CHRDL1: variants seen among roughly 807,000 people sequenced by gnomAD.
The protein encoded by CHRDL1 is chordin-like protein 1.
Under a neutral mutation model 40.9 loss-of-function variants are expected in CHRDL1, and 19 were observed. That is an observed-to-expected ratio of 0.46 (90% CI 0.32 to 0.68). The LOEUF is 0.68. CHRDL1 is among the 30% of genes least tolerant of loss of function. The pLI is 0.03. For missense variants in CHRDL1, 329 were observed against 352.1 expected, an observed-to-expected ratio of 0.93 and a Z score of 0.53; for synonymous variants, 136 against 123.4, an observed-to-expected ratio of 1.10 and a Z score of -0.68.
chrX:110,685,776 CA>C (rs892741796), intron 9 of CHRDL1, among the ~76,000 whole-genome samples: 5 of 78,156 alleles, frequency 6.4e-5, no homozygotes, highest in African/African-American at 2.6e-4. Flanking sequence ...AGATTATTTC[CA>C]ATTTTTCAGT....
chrX:110,686,425 T>C (rs892633636), intron 9 of CHRDL1, among the ~76,000 whole-genome samples: 1 of 111,809 alleles, frequency 8.9e-6, no homozygotes, highest in Non-Finnish European at 1.9e-5. Context: ...GTAATTTGTG[T>C]AAATATTAGT....
intron 4 of CHRDL1, among the ~76,000 whole-genome samples, chrX:110,736,219 G>A (rs1359344048): frequency 8.9e-6 from 1 of 111,969 alleles, no homozygotes; most frequent in African/African-American, 3.3e-5. Context: ...GCTTCTCCTA[G>A]GAAATTCTTT....
intron 8 of CHRDL1, among the ~76,000 whole-genome samples, chrX:110,689,546 C>A (rs754232688): frequency 4.5e-4 from 13 of 28,905 alleles, no homozygotes; most frequent in African/African-American, 2.9e-3. Context: ...CTCTATATCT[C>A]TATATATCTA....
intron 2 of CHRDL1, among the ~76,000 whole-genome samples, chrX:110,777,033 C>T (rs1295267124): frequency 1.8e-5 from 2 of 111,413 alleles, no homozygotes; most frequent in African/African-American, 3.3e-5. Context: ...TGTCAACCAC[C>T]GATCTCTTCA....
intron 3 of CHRDL1, among the ~76,000 whole-genome samples, chrX:110,760,724 T>C (rs1028751547): frequency 8.9e-6 from 1 of 112,084 alleles, no homozygotes; most frequent in African/African-American, 3.2e-5. Context: ...GCCCTAACCA[T>C]TTAAAGAGGC....
At chrX:110,728,198 G>GA (rs1399772048) in intron 4 of CHRDL1, among the ~76,000 whole-genome samples, 10 of 109,787 alleles carry the variant, frequency 9.1e-5, no homozygotes, top group African/African-American at 3.0e-4. Flanking sequence ...TTATGGGGGG[G>GA]AACTACATGT....
intron 4 of CHRDL1, among the ~76,000 whole-genome samples, chrX:110,752,796 A>G (rs1445483840): frequency 3.6e-5 from 4 of 111,400 alleles, no homozygotes; most frequent in Non-Finnish European, 7.5e-5. Flanking sequence ...TTACTGTTAA[A>G]AAGGAATTGA....
chrX:110,689,081 T>C (rs1207220496), intron 8 of CHRDL1, among the ~76,000 whole-genome samples: 13 of 77,957 alleles, frequency 1.7e-4, no homozygotes, highest in African/African-American at 6.1e-4. Flanking sequence ...TGTATATATA[T>C]ATATATATAT....
chrX:110,768,889 A>G (rs1216840963), intron 2 of CHRDL1, among the ~76,000 whole-genome samples: 1 of 110,972 alleles, frequency 9.0e-6, no homozygotes, highest in Non-Finnish European at 1.9e-5. Flanking sequence ...CCTTTCATGT[A>G]TACATATATC....
At chrX:110,746,059 C>T (rs190803733) in intron 4 of CHRDL1, among the ~76,000 whole-genome samples, 13 of 111,866 alleles carry the variant, frequency 1.2e-4, no homozygotes, top group East Asian at 8.4e-4. Context: ...ATTACTGTGA[C>T]GAACAAAACA....
intron 3 of CHRDL1, among the ~76,000 whole-genome samples, chrX:110,761,499 T>C (rs974427028): frequency 9.8e-5 from 11 of 111,968 alleles, no homozygotes; most frequent in African/African-American, 3.6e-4. Flanking sequence ...GAATTCTCAA[T>C]GCCTAGTACA....
chrX:110,757,400 C>T (rs1279941091), intron 4 of CHRDL1, among the ~76,000 whole-genome samples: 3 of 110,327 alleles, frequency 2.7e-5, no homozygotes, highest in Non-Finnish European at 5.7e-5. Context: ...ACGAAGAACC[C>T]GCAAAAGAAC....
chrX:110,691,559 G>C (rs748528070), intron 8 of CHRDL1, among the ~76,000 whole-genome samples: 1 of 111,173 alleles, frequency 9.0e-6, no homozygotes, highest in Admixed American at 9.7e-5. Context: ...TATCACTTCA[G>C]GCTGGGCTGT....
intron 9 of CHRDL1, among the ~76,000 whole-genome samples, chrX:110,686,367 A>C (rs889169111): frequency 8.9e-6 from 1 of 112,182 alleles, no homozygotes; most frequent in Non-Finnish European, 1.9e-5. Flanking sequence ...TGAAGGCCTG[A>C]GATTCAAATT....
At chrX:110,706,510 A>T (rs1323223457) in intron 6 of CHRDL1, among the ~76,000 whole-genome samples, 1 of 111,854 alleles carries the variant, frequency 8.9e-6, no homozygotes, top group Non-Finnish European at 1.9e-5. Context: ...AGGGAGAACA[A>T]GTATTTGAAA....
intron 2 of CHRDL1, among the ~76,000 whole-genome samples, chrX:110,785,901 T>A (rs1181262014): frequency 8.9e-6 from 1 of 112,441 alleles, no homozygotes; most frequent in Non-Finnish European, 1.9e-5. Flanking sequence ...ATTCTCCAAT[T>A]TAGATCATTC....
intron 2 of CHRDL1, among the ~76,000 whole-genome samples, chrX:110,786,392 C>T (rs1254016262): frequency 8.9e-6 from 1 of 111,811 alleles, no homozygotes; most frequent in African/African-American, 3.2e-5. Context: ...ATAAAATATT[C>T]TTTGCAATTA....
intron 6 of CHRDL1, among the ~76,000 whole-genome samples, chrX:110,704,603 G>A (rs1439103099): frequency 9.0e-6 from 1 of 111,401 alleles, no homozygotes; most frequent in Admixed American, 9.6e-5. Flanking sequence ...ATTTGATGAT[G>A]GGGAAGGAAG....
intron 2 of CHRDL1, among the ~76,000 whole-genome samples, chrX:110,775,617 T>C (rs2089839586): frequency 1.8e-5 from 2 of 111,936 alleles, no homozygotes; most frequent in African/African-American, 6.5e-5. Flanking sequence ...AGTGGTTTCT[T>C]ATAGATAACA....
Sources: gnomAD v4.1 joint callset for allele counts (sites outside exome capture counted in the v4.1 genomes callset) on GRCh38, gnomAD v4.1.1 for gene constraint, MANE v1.5 for transcripts, NCBI Gene and HGNC (gene_info 2026-07-23, HGNC 2026-07-21) for gene names.